Variants in CDKAL1 observed in about 807,000 individuals in gnomAD.
CDKAL1 encodes threonylcarbamoyladenosine tRNA methylthiotransferase.
In CDKAL1, 32 loss-of-function variants were observed where a neutral mutation model predicts 68.2. That is an observed-to-expected ratio of 0.47 (90% confidence interval 0.35 to 0.63). The LOEUF is 0.63. Ranked by LOEUF, CDKAL1 falls within the 30% of genes least tolerant of loss-of-function variation. The pLI, the probability that CDKAL1 is intolerant of heterozygous loss-of-function variation, is 0.00. For synonymous variants in CDKAL1, 234 were observed against 244.3 expected, an observed-to-expected ratio of 0.96 and a Z score of 0.39; for missense variants, 606 against 696.7, an observed-to-expected ratio of 0.87 and a Z score of 1.47.
At chr6:20,946,547 C>T (rs73375722) in intron 9 of CDKAL1, among the ~76,000 whole-genome samples, 1,625 of 150,968 alleles carry the variant, frequency 0.011, 31 homozygotes, top group African/African-American at 0.036. Flanking sequence ...GCATTTTCAA[C>T]TTACAATGGA....
At chr6:21,038,506 A>G (rs1246354187) in intron 11 of CDKAL1, among the ~76,000 whole-genome samples, 1 of 152,220 alleles carries the variant, frequency 6.6e-6, no homozygotes, top group African/African-American at 2.4e-5. Flanking sequence ...TTACAAAGGT[A>G]TTCAGAGATC....
chr6:21,186,819 AT>A (rs1778033488), intron 13 of CDKAL1, among the ~76,000 whole-genome samples: 1 of 152,078 alleles, frequency 6.6e-6, no homozygotes, highest in Non-Finnish European at 1.5e-5. Flanking sequence ...GAAATGGTAG[AT>A]TTCCGTTAAA....
At chr6:20,589,720 T>G (rs1201083172) in intron 4 of CDKAL1, among the ~76,000 whole-genome samples, 1 of 146,822 alleles carries the variant, frequency 6.8e-6, no homozygotes. Flanking sequence ...ATATTATTAG[T>G]TTTTCTCATA....
intron 15 of CDKAL1, among the ~76,000 whole-genome samples, chr6:21,226,848 G>A (rs1779767092): frequency 6.6e-6 from 1 of 152,174 alleles, no homozygotes; most frequent in African/African-American, 2.4e-5. Flanking sequence ...GAGTAGCTGG[G>A]ACTACAGGCT....
chr6:20,759,318 G>C (rs752379163), intron 7 of CDKAL1, among the ~76,000 whole-genome samples: 22 of 152,086 alleles, frequency 1.4e-4, no homozygotes, highest in Non-Finnish European at 2.6e-4. Flanking sequence ...GAGGTAGTTG[G>C]ATTGCTTGAG....
rs540694950 is a variant in CDKAL1, at chr6:20,648,276, C to T, written c.287-1017C>T. Reference sequence around the variant, plus strand: ...CTGAATAGCTGAGAGTACAGGCATGCCCGCCACCACACCCGGCTAATTTTT... The same window carrying T: ...CTGAATAGCTGAGAGTACAGGCATGTCCGCCACCACACCCGGCTAATTTTT... On this transcript the variant is annotated intron_variant, in intron 4 of 15. Coordinates refer to ENST00000274695, the MANE Select transcript of CDKAL1 (RefSeq NM_017774.3). Among the ~76,000 whole-genome samples, 307 of 151,574 alleles carry T rather than the reference C, an allele frequency of 2.0e-3. 2 individuals are homozygous for T. The highest frequency in any genetic ancestry group is 7.1e-3 in the African/African-American group (295 of 41,344).
chr6:21,085,633 T>C (rs1231107042), intron 12 of CDKAL1, among the ~76,000 whole-genome samples: 1 of 152,220 alleles, frequency 6.6e-6, no homozygotes, highest in African/African-American at 2.4e-5. Context: ...CGCAGTACAG[T>C]TGTAAAATCC....
At chr6:21,132,507 AT>A (rs1775379839) in intron 13 of CDKAL1, among the ~76,000 whole-genome samples, 1 of 151,216 alleles carries the variant, frequency 6.6e-6, no homozygotes, top group Non-Finnish European at 1.5e-5. Flanking sequence ...ATTTATGTTA[AT>A]ATGTAGTCAT....
chr6:20,641,436 G>T (rs1204552556), intron 4 of CDKAL1, among the ~76,000 whole-genome samples: 1 of 152,002 alleles, frequency 6.6e-6, no homozygotes, highest in Admixed American at 6.6e-5. Context: ...AAAAAAAAGA[G>T]AAAGAATATA....
In CDKAL1 at chr6:21,182,604, T is replaced by C. The variant is rs886435941; in HGVS notation, c.1300-15417T>C. On this transcript the variant is annotated intron_variant, in intron 13 of 15. Transcript: ENST00000274695. Reference sequence around the variant, plus strand: ...TTAGTAACAGAATTGTTTATTATTATGATTCTGGTATGTTAATGAAGGGGT... The same window carrying C: ...TTAGTAACAGAATTGTTTATTATTACGATTCTGGTATGTTAATGAAGGGGT... 4.6e-5 allele frequency among the ~76,000 whole-genome samples: 7 copies of C among 152,228 alleles called. No homozygotes were observed. The East Asian group carries it at 1.3e-3, about 29-fold the overall frequency.
chr6:20,736,137 T>TC (rs1292924130), intron 5 of CDKAL1, among the ~76,000 whole-genome samples: 8 of 151,766 alleles, frequency 5.3e-5, no homozygotes, highest in East Asian at 1.9e-4. Flanking sequence ...TTTTTTTTTT[T>TC]TCTCTCTGTT....
chr6:20,605,816 A>T (rs918699251), intron 4 of CDKAL1, among the ~76,000 whole-genome samples: 3 of 152,000 alleles, frequency 2.0e-5, no homozygotes, highest in Admixed American at 1.3e-4. Flanking sequence ...GGGCGCCGTT[A>T]CTCCATTCTT....
At chr6:20,759,660 T>C (rs1368796075) in intron 7 of CDKAL1, among the ~76,000 whole-genome samples, 1 of 152,250 alleles carries the variant, frequency 6.6e-6, no homozygotes, top group African/African-American at 2.4e-5. Context: ...AGGTGTATTT[T>C]TTATAGTTAC....
At position 20,965,219 on chromosome 6, in the gene CDKAL1, A is replaced by G. The variant is rs554214880; in HGVS notation, c.909+9634A>G. On this transcript the variant is annotated intron_variant, in intron 10 of 15. Transcript: ENST00000274695. ...CCCAGCTACTCAGGAGGCTGAGGCC[A>G]GATTATCACTTGGACCCAGGAGTTC... Among the ~76,000 whole-genome samples, 6 of 151,780 alleles carry G rather than the reference A, an allele frequency of 4.0e-5. No individual in the cohort carries two copies. The South Asian group carries it at 1.3e-3, about 32-fold the overall frequency.
chr6:20,603,134 C>A (rs9460531), intron 4 of CDKAL1, among the ~76,000 whole-genome samples: 2,834 of 152,148 alleles, frequency 0.019, 86 homozygotes, highest in African/African-American at 0.064. Context: ...TGGCAAGTAC[C>A]AATAAAAGAA....
intron 8 of CDKAL1, among the ~76,000 whole-genome samples, chr6:20,798,068 G>A (rs1016508096): frequency 3.3e-5 from 5 of 151,730 alleles, no homozygotes; most frequent in East Asian, 1.9e-4. Context: ...TTCCCACCTC[G>A]GCCTCCCAAA....
At position 20,557,313 on chromosome 6, in the gene CDKAL1, A is replaced by G. The variant is rs1764095873; in HGVS notation, c.286+8608A>G. 3.3e-5 allele frequency among the ~76,000 whole-genome samples: 5 copies of G among 152,180 alleles called. No homozygotes were observed. In the South Asian group the frequency reaches 1.0e-3, roughly 31 times the overall value. The stretch of plus-strand genomic sequence containing the variant: ...GGTTCTGAAGTCTACCTGGAATTAT[A>G]GTGCAAGTAAATTGTAGTCTGATCA... On this transcript the variant is annotated intron_variant, in intron 4 of 15. Transcript: ENST00000274695.
intron 12 of CDKAL1, among the ~76,000 whole-genome samples, chr6:21,099,594 G>C (rs1253022074): frequency 3.9e-5 from 6 of 152,180 alleles, no homozygotes; most frequent in Admixed American, 1.3e-4. Context: ...ATCCAGATAA[G>C]AGGTAAAGTT....
At chr6:20,692,082 T>C (rs903319311) in intron 5 of CDKAL1, among the ~76,000 whole-genome samples, 4 of 152,228 alleles carry the variant, frequency 2.6e-5, no homozygotes, top group Admixed American at 2.6e-4. Flanking sequence ...TTGCTTACCC[T>C]GAATACTAAG....
Sources: gnomAD v4.1 joint callset for allele counts (sites outside exome capture counted in the v4.1 genomes callset) on GRCh38, gnomAD v4.1.1 for gene constraint, MANE v1.5 for transcripts, NCBI Gene and HGNC (gene_info 2026-07-23, HGNC 2026-07-21) for gene names.